The following TMEM11 variants were observed in gnomAD, a reference collection of about 807,000 sequenced individuals.
TMEM11 encodes the protein transmembrane protein 11.
Under a neutral mutation model 17.0 loss-of-function variants are expected in TMEM11, and 1 was observed. That is an observed-to-expected ratio of 0.06 (90% CI 0.02 to 0.28). The LOEUF (loss-of-function observed/expected upper bound fraction) is 0.28, where lower values mean the gene tolerates loss of function less well. Ranked by LOEUF, TMEM11 falls within the 10% of genes least tolerant of loss-of-function variation. The pLI is 1.00. For missense variants in TMEM11, 172 were observed against 252.9 expected, an observed-to-expected ratio of 0.68 and a Z score of 2.17; for synonymous variants, 122 against 118.1, an observed-to-expected ratio of 1.03 and a Z score of -0.21.
At chr17:21,210,599 A>G (rs1335974353) in intron 1 of TMEM11, among the ~76,000 whole-genome samples, 1 of 152,220 alleles carries the variant, frequency 6.6e-6, no homozygotes, top group African/African-American at 2.4e-5. Context: ...CCTGTGCTCC[A>G]TCTGCTCACT....
chr17:21,204,434 A>G (rs1974919958), intron 1 of TMEM11, among the ~76,000 whole-genome samples: 2 of 100,794 alleles, frequency 2.0e-5, no homozygotes, highest in African/African-American at 7.2e-5. Flanking sequence ...CTCCGTCTCA[A>G]TAAAAAAAAA....
intron 1 of TMEM11, among the ~76,000 whole-genome samples, chr17:21,207,980 T>A (rs1013716928): frequency 1.2e-4 from 16 of 138,550 alleles, no homozygotes; most frequent in African/African-American, 2.4e-4. Flanking sequence ...TCTATATTTT[T>A]TAAAAAAAAG....
In TMEM11 at chr17:21,214,120, C is replaced by G. The variant is rs766831620; in HGVS notation, c.33G>C (p.Pro11=). 15 of 1,612,064 alleles carry G rather than the reference C, an allele frequency of 9.3e-6. No homozygotes were observed. Among genetic ancestry groups the G allele is most frequent in the Non-Finnish European group, 1.3e-5 (15 of 1,179,592 alleles). The change falls in exon 1 of 2, where the codon CCG becomes CCC. Residue 11 remains proline, a synonymous_variant. Coordinates refer to ENST00000317635, the MANE Select transcript of TMEM11 (RefSeq NM_003876.3). The part of the protein sequence containing the change: MAAWGRRRLG[P]GSSGGSARER... ...CTCGGGCGCTGCCGCCACTGCTGCC[C>G]GGGCCAAGACGCCTCCTTCCCCAAG...
intron 1 of TMEM11, among the ~76,000 whole-genome samples, chr17:21,210,052 C>A (rs1974986112): frequency 6.6e-6 from 1 of 152,192 alleles, no homozygotes; most frequent in South Asian, 2.1e-4. Flanking sequence ...CCGCACCTCG[C>A]TCATTGAAGA....
In TMEM11 at chr17:21,198,342, G is replaced by A. The variant is rs1974842334; in HGVS notation, c.561C>T (p.Tyr187=). The A allele has an allele frequency of 3.1e-6, 5 of 1,612,492 alleles. No individual in the cohort carries two copies. The highest frequency in any genetic ancestry group is 4.2e-6 in the Non-Finnish European group (5 of 1,178,610). ...AALVYCVKKI[Y]ELYAV Reference sequence around the variant, plus strand: ...ACTGAAATCATACGGCATAGAGTTCGTAAATCTTCTTTACACAGTACACCA... The same window carrying A: ...ACTGAAATCATACGGCATAGAGTTCATAAATCTTCTTTACACAGTACACCA... Residue 187 remains tyrosine (Y), a synonymous_variant, in exon 2 of 2, where the codon TAC becomes TAT. Transcript: ENST00000317635. This position sits in a 1 kb window ranked among gnomAD's most constrained non-coding sequence, Gnocchi z 6.5.
At chr17:21,213,836 C>G in intron 1 of TMEM11, 1 of 469,772 alleles carries the variant, frequency 2.1e-6, no homozygotes. Flanking sequence ...CGGCCTCGGG[C>G]CCCGCCCCGC....
chr17:21,201,038 G>A (rs1974877829), intron 1 of TMEM11, among the ~76,000 whole-genome samples: 1 of 152,242 alleles, frequency 6.6e-6, no homozygotes, highest in Non-Finnish European at 1.5e-5. Flanking sequence ...GGCAATCGTA[G>A]TTCTTCCTAC....
At chr17:21,211,685 G>T (rs1420604605) in intron 1 of TMEM11, among the ~76,000 whole-genome samples, 1 of 152,222 alleles carries the variant, frequency 6.6e-6, no homozygotes, top group African/African-American at 2.4e-5. Context: ...CTTCAGAGTT[G>T]GTAGCCGCTG....
chr17:21,206,054 G>C (rs988469736), intron 1 of TMEM11, among the ~76,000 whole-genome samples: 6 of 151,900 alleles, frequency 3.9e-5, no homozygotes, highest in Non-Finnish European at 4.4e-5. Context: ...TTTTGGGGGG[G>C]GGGTATATAT....
chr17:21,198,411 G>C lies in TMEM11; in HGVS notation c.492C>G (p.Asp164Glu). ...STPVVLVRKDDLHRKRLHNTI... is the reference protein window; with the variant it reads ...STPVVLVRKDELHRKRLHNTI... ...TGTTGTGCAGTCTCTTTCTGTGCAG[G>C]TCGTCCTTCCGGACCAGCACCACCG... Residue 164 changes from aspartate to glutamate, a missense_variant, in exon 2 of 2, where the codon GAC (aspartate) becomes GAG (glutamate). Around this residue, in one of 2 missense-constraint regions of TMEM11, gnomAD observed 123 missense variants for 213.6 expected, o/e 0.58. Transcript: ENST00000317635. The surrounding 1 kb of genome is among the most constrained non-coding windows in gnomAD (Gnocchi z 6.5). 1 of 1,614,248 alleles carries C rather than the reference G, an allele frequency of 6.2e-7. No individual in the cohort carries two copies. The highest frequency in any genetic ancestry group is 8.5e-7 in the Non-Finnish European group (1 of 1,180,058).
chr17:21,205,493 C>T (rs757829325), intron 1 of TMEM11, among the ~76,000 whole-genome samples: 57 of 152,140 alleles, frequency 3.7e-4, no homozygotes, highest in Non-Finnish European at 6.2e-4. Context: ...AGTTCTCTAT[C>T]GCGCTGGGTG....
intron 1 of TMEM11, chr17:21,213,683 C>A (rs377014832): frequency 5.0e-6 from 1 of 200,744 alleles, no homozygotes; most frequent in Non-Finnish European, 1.0e-5. Flanking sequence ...GGGGCCCTGC[C>A]TTCCTCTACA....
At chr17:21,208,085 T>G (rs969465075) in intron 1 of TMEM11, among the ~76,000 whole-genome samples, 1 of 150,548 alleles carries the variant, frequency 6.6e-6, no homozygotes, top group Non-Finnish European at 1.5e-5. Flanking sequence ...CTCCGCCTCC[T>G]GGGTTCACGC....
chr17:21,198,723 A>G lies in TMEM11; in HGVS notation c.180T>C (p.Ile60=), dbSNP rs201549323. ...CGCCAATGCGAGTGGGCTCAATCAC[A>G]ATGTACTTGTACTGGGCTTCCAGGG... ...EQALEAQYKY[I]VIEPTRIGDE... The change falls in exon 2 of 2, where the codon ATT becomes ATC. Residue 60 remains isoleucine, a synonymous_variant. Coordinates refer to ENST00000317635, the MANE Select transcript of TMEM11 (RefSeq NM_003876.3). This position sits in a 1 kb window ranked among gnomAD's most constrained non-coding sequence, Gnocchi z 6.5. 3.3e-5 allele frequency: 54 copies of G among 1,614,108 alleles called. No homozygotes were observed. In the Middle Eastern group the frequency reaches 1.3e-3, roughly 39 times the overall value.
chr17:21,207,581 A>C lies in TMEM11; in HGVS notation c.62+6510T>G, dbSNP rs181747343. 1.2e-3 allele frequency among the ~76,000 whole-genome samples: 184 copies of C among 148,412 alleles called. 2 individuals carry two copies. The highest frequency in any genetic ancestry group is 2.1e-3 in the Non-Finnish European group (143 of 66,904). ...CAAGATATATAAGACAAAGTATCAA[A>C]GGTGCTATACATGAAAATAGATCAG... On this transcript the variant is annotated intron_variant, in intron 1 of 1. Transcript: ENST00000317635.
At chr17:21,208,033 C>T (rs1974962295) in intron 1 of TMEM11, among the ~76,000 whole-genome samples, 1 of 150,626 alleles carries the variant, frequency 6.6e-6, no homozygotes, top group African/African-American at 2.4e-5. Flanking sequence ...CGCTCTGTCG[C>T]CCAGGCTCAA....
At chr17:21,213,991 G>C (rs1975033505) in intron 1 of TMEM11, 100 bp downstream of exon 1, 1 of 1,165,072 alleles carries the variant, frequency 8.6e-7, no homozygotes, top group African/African-American at 1.6e-5. Context: ...GGAGCGCGGG[G>C]AAACCAGGGA....
chr17:21,209,872 A>G (rs565036590), intron 1 of TMEM11, among the ~76,000 whole-genome samples: 1 of 152,190 alleles, frequency 6.6e-6, no homozygotes, highest in East Asian at 1.9e-4. Flanking sequence ...CATGCCAGAA[A>G]CTCCTACTGG....
chr17:21,198,521 A>G lies in TMEM11; in HGVS notation c.382T>C (p.Phe128Leu), dbSNP rs1232667995. The change falls in exon 2 of 2, where the codon TTT (phenylalanine) becomes CTT (leucine). Residue 128 changes from phenylalanine (F) to leucine (L), a missense_variant. Physicochemically the swap from Phe to Leu is conservative, Grantham distance 22. Around this residue, in one of 2 missense-constraint regions of TMEM11, gnomAD observed 123 missense variants for 213.6 expected, o/e 0.58. Transcript: ENST00000317635. This position sits in a 1 kb window ranked among gnomAD's most constrained non-coding sequence, Gnocchi z 6.5. ...CCTLYGISWQ[F>L]DPCCKYQVEY... is the part of the protein sequence containing the mutation. ...ACTTGGTACTTGCAGCAAGGGTCAA[A>G]CTGCCAGGAGATCCCATAGAGGGTG... 6.2e-7 allele frequency: 1 copy of G among 1,614,232 alleles called. No individual in the cohort carries two copies. The highest frequency in any genetic ancestry group is 1.3e-5 in the African/African-American group (1 of 75,052).
Sources: gnomAD v4.1 joint callset for allele counts (sites outside exome capture counted in the v4.1 genomes callset) on GRCh38, gnomAD v4.1.1 for gene constraint, gnomAD v4.1.1 regional missense constraint, Gnocchi (gnomAD v3.1) non-coding constraint, MANE v1.5 for transcripts, NCBI Gene and HGNC (gene_info 2026-07-23, HGNC 2026-07-21) for gene names.